The following DPH5 variants were observed in gnomAD, a reference collection of about 807,000 sequenced individuals.
DPH5 encodes the protein diphthamide biosynthesis 5.
In DPH5, 31 loss-of-function variants were observed where a neutral mutation model predicts 31.6. That is an observed-to-expected ratio of 0.98 (90% CI 0.74 to 1.32). The LOEUF (loss-of-function observed/expected upper bound fraction) is 1.32. Ranked by LOEUF, DPH5 falls within the 40% of genes most tolerant of loss-of-function variation. The probability of loss-of-function intolerance (pLI) is 0.00; values close to 1 mark genes in which losing one functional copy is unlikely to be tolerated. For missense variants in DPH5, 309 were observed against 335.7 expected, an observed-to-expected ratio of 0.92 and a Z score of 0.62; for synonymous variants, 120 against 115.0, an observed-to-expected ratio of 1.04 and a Z score of -0.28.
At chr1:101,002,143 A>T (rs1416961658) in intron 4 of DPH5, among the ~76,000 whole-genome samples, 4 of 152,154 alleles carry the variant, frequency 2.6e-5, no homozygotes, top group Non-Finnish European at 5.9e-5. Context: ...TAGTCCCTTA[A>T]TTTGGCAAGA....
Position 101,025,388 on chromosome 1 carries a change from C to A in DPH5, c.56G>T (p.Gly19Val), listed in dbSNP as rs764546987. 1.2e-6 allele frequency: 2 copies of A among 1,614,208 alleles called. No homozygotes were observed. The highest frequency in any genetic ancestry group is 3.3e-5 in the Admixed American group (2 of 60,024). The change falls in exon 2 of 8, where the codon GGC becomes GTC. Residue 19 changes from glycine (G) to valine (V), a missense_variant. By Grantham distance (109) the Gly-to-Val change is moderately radical. Transcript: ENST00000370109. ...ACTGCAGCGTCTAACAACTTCCAGG[C>A]CCTTGACTGTGATGTCCTTGGCATC... Reference protein sequence around the residue: ...LGDAKDITVKGLEVVRRCSRV... With the variant: ...LGDAKDITVKVLEVVRRCSRV...
At chr1:101,006,171 G>T (rs761012996) in intron 4 of DPH5, among the ~76,000 whole-genome samples, 6 of 152,130 alleles carry the variant, frequency 3.9e-5, no homozygotes, top group Non-Finnish European at 5.9e-5. Context: ...CCTCAAAATT[G>T]AGTCACAATT....
intron 4 of DPH5, among the ~76,000 whole-genome samples, chr1:101,012,666 C>G (rs748472265): frequency 6.6e-5 from 10 of 152,136 alleles, no homozygotes; most frequent in Non-Finnish European, 1.2e-4. Context: ...AAAAAGTATG[C>G]ATTTTGGACA....
intron 2 of DPH5, among the ~76,000 whole-genome samples, chr1:101,024,453 C>T (rs946664338): frequency 2.0e-5 from 3 of 152,158 alleles, no homozygotes; most frequent in African/African-American, 7.2e-5. Flanking sequence ...GGTCTTTACA[C>T]ACAACTTTTA....
In DPH5 at chr1:100,995,393, A is replaced by C; in HGVS notation, c.491-244T>G. 1.0e-5 allele frequency: 4 copies of C among 386,284 alleles called. No individual in the cohort carries two copies. In the South Asian group the frequency reaches 1.2e-4, roughly 12 times the overall value. 23.9% of individuals were successfully genotyped at this position (386,284 alleles called of 1,614,324 possible). A position where few individuals can be genotyped will look rare whatever the true frequency, so the allele number is the denominator to read the frequency against. On this transcript the variant is annotated intron_variant, in intron 5 of 7. Coordinates refer to ENST00000370109, the MANE Select transcript of DPH5 (RefSeq NM_015958.3). ...AACATCTAATTTCCTTTTGGAAAAG[A>C]AGACAAGGGAAAGAATTAGATAAAC...
chr1:100,990,501 TG>T lies in DPH5; in HGVS notation c.764del (p.Thr255LysfsTer13). 1.9e-6 allele frequency: 3 copies of T among 1,614,184 alleles called. No homozygotes were observed. The highest frequency in any genetic ancestry group is 2.5e-6 in the Non-Finnish European group (3 of 1,180,016). On this transcript the variant is annotated frameshift_variant, in exon 8 of 8. Coordinates refer to ENST00000370109, the MANE Select transcript of DPH5 (RefSeq NM_015958.3). LOFTEE classifies it high-confidence loss of function. ...TCTCCATTGGATGTATGCTGCCTCC[TG>T]TGATGATCAAGGAATGCAATGGTTC... ...LGEPLHSLII[T>X]GGSIHPMEME...
At chr1:101,012,645 C>T (rs1659783619) in intron 4 of DPH5, among the ~76,000 whole-genome samples, 1 of 152,124 alleles carries the variant, frequency 6.6e-6, no homozygotes, top group Non-Finnish European at 1.5e-5. Context: ...CTTGAATGGG[C>T]AAGGTTTTTT....
intron 5 of DPH5, among the ~76,000 whole-genome samples, chr1:100,998,867 T>C (rs943628087): frequency 6.6e-5 from 10 of 152,106 alleles, no homozygotes; most frequent in African/African-American, 1.7e-4. Context: ...AAAATTTCAC[T>C]CAAGATCAGG....
intron 5 of DPH5, among the ~76,000 whole-genome samples, chr1:100,997,456 C>T (rs1185435746): frequency 2.6e-5 from 4 of 152,080 alleles, no homozygotes; most frequent in Non-Finnish European, 4.4e-5. Context: ...AGCTCCGCCT[C>T]CTGGGTTCAC....
intron 7 of DPH5, among the ~76,000 whole-genome samples, chr1:100,992,167 G>A (rs1297005129): frequency 6.6e-6 from 1 of 151,072 alleles, no homozygotes; most frequent in Non-Finnish European, 1.5e-5. Flanking sequence ...ACCACACACT[G>A]TGTCTACATA....
intron 4 of DPH5, among the ~76,000 whole-genome samples, chr1:101,006,063 C>T (rs1002745073): frequency 2.0e-5 from 3 of 152,120 alleles, no homozygotes; most frequent in African/African-American, 7.2e-5. Context: ...GTTTGCTTCC[C>T]CTACAGACAT....
intron 4 of DPH5, among the ~76,000 whole-genome samples, chr1:101,006,857 G>C (rs939352234): frequency 6.6e-6 from 1 of 152,154 alleles, no homozygotes; most frequent in African/African-American, 2.4e-5. Context: ...TCATGCAATA[G>C]CAAGAGAAAG....
At chr1:101,024,066 C>T (rs1013708336) in intron 2 of DPH5, among the ~76,000 whole-genome samples, 3 of 151,958 alleles carry the variant, frequency 2.0e-5, no homozygotes, top group Non-Finnish European at 2.9e-5. Flanking sequence ...TATTTTGGTT[C>T]TATCCTAAGA....
At chr1:101,021,794 A>G in intron 2 of DPH5, 29 bp from the exon 3 acceptor site, 2 of 1,556,136 alleles carry the variant, frequency 1.3e-6, no homozygotes, top group Non-Finnish European at 1.7e-6. Flanking sequence ...TATCAAGATA[A>G]AGAGACAGCA....
At chr1:100,996,003 TA>T (rs1372085360) in intron 5 of DPH5, 1 of 152,238 alleles carries the variant, frequency 6.6e-6, no homozygotes, top group Non-Finnish European at 1.5e-5. Context: ...GTGTTTCTTA[TA>T]AAGGATATCA....
chr1:100,998,780 G>C (rs1405926548), intron 5 of DPH5, among the ~76,000 whole-genome samples: 3 of 152,184 alleles, frequency 2.0e-5, no homozygotes, highest in Non-Finnish European at 2.9e-5. Flanking sequence ...CATATGGCTG[G>C]TAAGACTATG....
intron 3 of DPH5, among the ~76,000 whole-genome samples, chr1:101,021,068 A>C (rs951355467): frequency 5.9e-5 from 9 of 152,210 alleles, no homozygotes; most frequent in Admixed American, 3.3e-4. Flanking sequence ...TTGGCTTGAC[A>C]TTAGAGATTG....
chr1:101,022,437 C>T (rs1660524274), intron 2 of DPH5, among the ~76,000 whole-genome samples: 1 of 152,212 alleles, frequency 6.6e-6, no homozygotes, highest in South Asian at 2.1e-4. Flanking sequence ...CAGCTCAACT[C>T]TAGAGAACAA....
At chr1:100,993,077 A>T (rs1048505039) in intron 6 of DPH5, among the ~76,000 whole-genome samples, 3 of 152,202 alleles carry the variant, frequency 2.0e-5, no homozygotes, top group Non-Finnish European at 4.4e-5. Context: ...CTCTAGCTTA[A>T]TCAGGTTATT....
Sources: gnomAD v4.1 joint callset for allele counts (sites outside exome capture counted in the v4.1 genomes callset) on GRCh38, gnomAD v4.1.1 for gene constraint, MANE v1.5 for transcripts, NCBI Gene and HGNC (gene_info 2026-07-23, HGNC 2026-07-21) for gene names.